ANTXR2: variants seen among roughly 807,000 people sequenced by gnomAD.
The protein encoded by ANTXR2 is anthrax toxin receptor 2.
A neutral mutation model predicts 73.7 loss-of-function variants in ANTXR2; 44 were observed. The ratio of observed to expected loss-of-function variants is 0.60; its 90% confidence interval spans 0.47 to 0.77. The LOEUF is 0.77. Among genes scored for constraint, ANTXR2 ranks in the 30% least tolerant of loss-of-function variants. ANTXR2 has a pLI of 0.00. For synonymous variants in ANTXR2, 217 were observed against 205.9 expected, an observed-to-expected ratio of 1.05 and a Z score of -0.46; for missense variants, 604 against 592.5, an observed-to-expected ratio of 1.02 and a Z score of -0.20.
intron 16 of ANTXR2, among the ~76,000 whole-genome samples, chr4:79,947,131 C>T (rs1391402603): frequency 6.6e-6 from 1 of 152,128 alleles, no homozygotes; most frequent in Non-Finnish European, 1.5e-5. Flanking sequence ...ATAAGCTACT[C>T]GCAGTTCTTC....
At chr4:79,924,604 G>T (rs1249142851) in intron 16 of ANTXR2, among the ~76,000 whole-genome samples, 1 of 152,106 alleles carries the variant, frequency 6.6e-6, no homozygotes, top group Non-Finnish European at 1.5e-5. Flanking sequence ...TATCAGAGTT[G>T]TTCTTCTTTT....
chr4:79,983,562 G>T (rs1391278576), intron 14 of ANTXR2, among the ~76,000 whole-genome samples: 1 of 152,078 alleles, frequency 6.6e-6, no homozygotes, highest in African/African-American at 2.4e-5. Flanking sequence ...ACTTGAAGTG[G>T]CTGGCTTCTT....
At chr4:79,936,648 T>C (rs563103043) in intron 16 of ANTXR2, among the ~76,000 whole-genome samples, 11 of 151,664 alleles carry the variant, frequency 7.3e-5, no homozygotes, top group African/African-American at 2.4e-4. Flanking sequence ...GCAAAAGAAA[T>C]AAAAAAAATC....
rs904839992 is a variant in ANTXR2, at chr4:79,906,730, A to G, written c.*699T>C. 1.3e-5 allele frequency: 2 copies of G among 152,708 alleles called. No individual in the cohort carries two copies. The highest frequency in any genetic ancestry group is 2.9e-5 in the Non-Finnish European group (2 of 68,120). The allele number at this position is 152,708 out of a possible 1,614,324, so 9.5% of individuals were successfully genotyped here. A position where few individuals can be genotyped will look rare whatever the true frequency, so the allele number is the denominator to read the frequency against. Reference sequence around the variant, plus strand: ...CTATTAATTTTCTTGTCCCGAGTGCATAATGAAAGAAAGGTGTCTTCGAAA... The same window carrying G: ...CTATTAATTTTCTTGTCCCGAGTGCGTAATGAAAGAAAGGTGTCTTCGAAA... On this transcript the variant is annotated 3_prime_UTR_variant, in exon 17 of 17. Transcript: ENST00000403729.
chr4:80,049,118 G>A (rs937259691), intron 7 of ANTXR2, among the ~76,000 whole-genome samples: 1 of 95,578 alleles, frequency 1.0e-5, no homozygotes, highest in Non-Finnish European at 2.3e-5. Context: ...TACTTTCTGA[G>A]GTATTCTTAA....
chr4:80,069,076 T>C (rs923909878), intron 3 of ANTXR2, among the ~76,000 whole-genome samples: 1 of 152,158 alleles, frequency 6.6e-6, no homozygotes, highest in Non-Finnish European at 1.5e-5. Flanking sequence ...GATCCATATC[T>C]TTCTCCCCCT....
chr4:79,961,447 T>C (rs1729138411), intron 16 of ANTXR2, among the ~76,000 whole-genome samples: 1 of 152,020 alleles, frequency 6.6e-6, no homozygotes, highest in African/African-American at 2.4e-5. Flanking sequence ...TTATTGTTAT[T>C]TTTTTAAGAT....
chr4:79,976,352 TG>T (rs1729633546), intron 16 of ANTXR2, among the ~76,000 whole-genome samples: 2 of 152,158 alleles, frequency 1.3e-5, no homozygotes, highest in African/African-American at 4.8e-5. Flanking sequence ...ATTCTGGAGG[TG>T]AGGCTTGGAC....
At chr4:80,047,465 C>T (rs772273061) in intron 7 of ANTXR2, among the ~76,000 whole-genome samples, 1 of 151,422 alleles carries the variant, frequency 6.6e-6, no homozygotes, top group Non-Finnish European at 1.5e-5. Flanking sequence ...ACTTTTGCAC[C>T]CTTACACTTC....
At chr4:79,931,524 A>G (rs1016213679) in intron 16 of ANTXR2, among the ~76,000 whole-genome samples, 11 of 151,844 alleles carry the variant, frequency 7.2e-5, no homozygotes, top group African/African-American at 2.4e-4. Flanking sequence ...ACTTCCAGAT[A>G]AATGCCAGTC....
chr4:80,056,643 AGATAGATGGATGAATGTATG>A (rs1404499116), intron 3 of ANTXR2, among the ~76,000 whole-genome samples: 1 of 151,890 alleles, frequency 6.6e-6, no homozygotes, highest in Non-Finnish European at 1.5e-5. Context: ...GTGGATGGAT[AGATAGATGGATGAATGTATG>A]GATAGATGGA....
chr4:80,052,210 A>G (rs1733801844), intron 7 of ANTXR2, among the ~76,000 whole-genome samples: 1 of 151,676 alleles, frequency 6.6e-6, no homozygotes, highest in Admixed American at 6.6e-5. Flanking sequence ...AATAGAGTAT[A>G]GTCTCTTCTA....
chr4:80,037,202 G>A (rs890672524), intron 7 of ANTXR2, among the ~76,000 whole-genome samples: 2 of 152,082 alleles, frequency 1.3e-5, no homozygotes, highest in African/African-American at 4.8e-5. Flanking sequence ...TTCCTTTCTT[G>A]GCAGAAGTTG....
chr4:79,933,693 C>T (rs1728144230), intron 16 of ANTXR2, among the ~76,000 whole-genome samples: 1 of 132,768 alleles, frequency 7.5e-6, no homozygotes, highest in Non-Finnish European at 1.6e-5. Context: ...TAATGCTATC[C>T]CTCCACCCTC....
rs1726845778 is a variant in ANTXR2, at chr4:79,904,887, T to C, written c.*2542A>G. 6.6e-6 allele frequency: 1 copy of C among 152,198 alleles called. No homozygotes were observed. The highest frequency in any genetic ancestry group is 1.5e-5 in the Non-Finnish European group (1 of 68,016). 9.4% of individuals were successfully genotyped at this position (152,198 alleles called of 1,614,324 possible). On this transcript the variant is annotated 3_prime_UTR_variant, in exon 17 of 17. Coordinates refer to ENST00000403729, the MANE Select transcript of ANTXR2 (RefSeq NM_058172.6). ...TTTTGGTGGAAAAGTATAGGGATTTTTGATCTGGTCTTTTGGTAAGAAAAT... is the reference window on the plus strand; with the variant it reads ...TTTTGGTGGAAAAGTATAGGGATTTCTGATCTGGTCTTTTGGTAAGAAAAT...
chr4:80,005,458 ATTATT>A (rs1731257966), intron 12 of ANTXR2, among the ~76,000 whole-genome samples: 1 of 152,184 alleles, frequency 6.6e-6, no homozygotes, highest in Non-Finnish European at 1.5e-5. Context: ...GCTACTAAGA[ATTATT>A]TAAATGGTCA....
rs190272144 is a variant in ANTXR2, at chr4:79,974,946, T to C, written c.1428+2675A>G. The stretch of plus-strand genomic sequence containing the variant: ...TTTATTTGATATCTAACAGATTACC[T>C]GATATATGTTAGGCACTAGGTAAAT... On this transcript the variant is annotated intron_variant, in intron 16 of 16. Transcript: ENST00000403729. Among the ~76,000 whole-genome samples the C allele has an allele frequency of 5.1e-4, 78 of 152,352 alleles. 1 individual carries two copies. The highest frequency in any genetic ancestry group is 4.8e-3 in the Admixed American group (74 of 15,302).
At position 79,977,682 on chromosome 4, in the gene ANTXR2, C is replaced by T. The variant is rs1431327183; in HGVS notation, c.1367G>A (p.Trp456Ter). The part of the protein sequence containing the change: ...TPIKGRLDAL[W>*]ALLRRQYDRV... ...GTCATACTGCCGCCTCAACAAAGCC[C>T]AGAGAGCATCAAGACGACCCTAAGG... Residue 456 changes from tryptophan (W) to a stop codon, truncating the protein, a stop_gained, in exon 16 of 17, where the codon TGG (tryptophan) becomes TAG (stop). Coordinates refer to ENST00000403729, the MANE Select transcript of ANTXR2 (RefSeq NM_058172.6). LOFTEE classifies it high-confidence loss of function. The T allele has an allele frequency of 6.3e-7, 1 of 1,579,090 alleles. No individual in the cohort carries two copies. Among genetic ancestry groups the T allele is most frequent in the South Asian group, 1.2e-5 (1 of 85,902 alleles).
chr4:80,004,011 G>A (rs896704049), intron 12 of ANTXR2, among the ~76,000 whole-genome samples: 1 of 152,020 alleles, frequency 6.6e-6, no homozygotes, highest in Non-Finnish European at 1.5e-5. Context: ...CAACCTAAAT[G>A]TTTTTCAACA....
Sources: allele counts gnomAD v4.1 joint callset (sites outside exome capture counted in the v4.1 genomes callset), GRCh38; gene constraint gnomAD v4.1.1; transcripts MANE v1.5; gene names NCBI Gene and HGNC (gene_info 2026-07-23, HGNC 2026-07-21).